GALNTL6: variants seen among roughly 807,000 people sequenced by gnomAD.
GALNTL6 encodes polypeptide N-acetylgalactosaminyltransferase-like 6.
Under a neutral mutation model 73.7 loss-of-function variants are expected in GALNTL6, and 46 were observed. The observed-to-expected ratio is 0.62, with a 90% CI of 0.49 to 0.80. The LOEUF (loss-of-function observed/expected upper bound fraction) is 0.80, where lower values mean the gene tolerates loss of function less well. Among genes scored for constraint, GALNTL6 ranks in the 30% least tolerant of loss-of-function variants. The probability of loss-of-function intolerance (pLI) is 0.00; values close to 1 mark genes in which losing one functional copy is unlikely to be tolerated. For synonymous variants in GALNTL6, 259 were observed against 263.7 expected, an observed-to-expected ratio of 0.98 and a Z score of 0.17; for missense variants, 604 against 755.0, an observed-to-expected ratio of 0.80 and a Z score of 2.34.
intron 10 of GALNTL6, among the ~76,000 whole-genome samples, chr4:172,968,004 A>G (rs1437537879): frequency 6.6e-6 from 1 of 152,166 alleles, no homozygotes; most frequent in East Asian, 1.9e-4. Context: ...TTCTGATGCT[A>G]AAAGCATGGC....
chr4:172,176,491 A>G (rs1004217070), intron 2 of GALNTL6, among the ~76,000 whole-genome samples: 4 of 152,054 alleles, frequency 2.6e-5, no homozygotes, highest in Admixed American at 6.6e-5. Flanking sequence ...AATAGAATGT[A>G]GCCATTTGGG....
intron 5 of GALNTL6, among the ~76,000 whole-genome samples, chr4:172,733,120 G>A (rs1050286729): frequency 3.9e-5 from 6 of 152,096 alleles, no homozygotes; most frequent in Admixed American, 2.6e-4. Context: ...GGGTCTGTTG[G>A]TGGTGAATTC....
intron 5 of GALNTL6, among the ~76,000 whole-genome samples, chr4:172,649,976 GAA>G (rs1229228606): frequency 6.6e-6 from 1 of 152,172 alleles, no homozygotes; most frequent in African/African-American, 2.4e-5. Flanking sequence ...AGCATTTCTA[GAA>G]AATTTGTGTT....
intron 5 of GALNTL6, among the ~76,000 whole-genome samples, chr4:172,420,869 A>T (rs1731029933): frequency 6.6e-6 from 1 of 152,168 alleles, no homozygotes; most frequent in Non-Finnish European, 1.5e-5. Flanking sequence ...TTTCAGGGAC[A>T]TGGATGAAGC....
intron 5 of GALNTL6, among the ~76,000 whole-genome samples, chr4:172,730,364 G>A (rs1736073508): frequency 6.6e-6 from 1 of 152,090 alleles, no homozygotes; most frequent in African/African-American, 2.4e-5. Context: ...GTTAGTCATG[G>A]GTTTGTCTTA....
rs138795149 is a variant in GALNTL6, at chr4:171,953,820, G to A, written c.138+139102G>A. 2.9e-3 allele frequency among the ~76,000 whole-genome samples: 434 copies of A among 152,210 alleles called. 1 individual carries two copies. The highest frequency in any genetic ancestry group is 0.014 in the Middle Eastern group (4 of 294). ...ATAGCCCAAGAGACAGTAAAGGCATGGGGATTTATTTTTAAGAAAATCAAA... is the reference window on the plus strand; with the variant it reads ...ATAGCCCAAGAGACAGTAAAGGCATAGGGATTTATTTTTAAGAAAATCAAA... On this transcript the variant is annotated intron_variant, in intron 2 of 12. Coordinates refer to ENST00000506823, the MANE Select transcript of GALNTL6 (RefSeq NM_001034845.3).
chr4:172,207,815 A>C lies in GALNTL6; in HGVS notation c.139-21841A>C, dbSNP rs74909896. 9.3e-3 allele frequency among the ~76,000 whole-genome samples: 1,416 copies of C among 152,354 alleles called. 21 individuals carry two copies. Among genetic ancestry groups the C allele is most frequent in the African/African-American group, 0.032 (1,313 of 41,582 alleles). ...AAGTTAATTAATGAAAAGCCTTCATAACTTGCACGCAGTAAGTACATGATA... is the reference window on the plus strand; with the variant it reads ...AAGTTAATTAATGAAAAGCCTTCATCACTTGCACGCAGTAAGTACATGATA... On this transcript the variant is annotated intron_variant, in intron 2 of 12. Coordinates refer to ENST00000506823, the MANE Select transcript of GALNTL6 (RefSeq NM_001034845.3).
intron 5 of GALNTL6, among the ~76,000 whole-genome samples, chr4:172,397,682 A>G (rs1219885529): frequency 2.0e-5 from 3 of 151,832 alleles, no homozygotes; most frequent in African/African-American, 4.8e-5. Flanking sequence ...GATTCAAGCA[A>G]TTCTCCTGCC....
chr4:172,312,347 C>A (rs1344689690), intron 4 of GALNTL6, among the ~76,000 whole-genome samples: 1 of 152,020 alleles, frequency 6.6e-6, no homozygotes, highest in Non-Finnish European at 1.5e-5. Context: ...TATACTTACC[C>A]CAAATCCATC....
At chr4:171,969,353 G>A (rs1739491855) in intron 2 of GALNTL6, among the ~76,000 whole-genome samples, 1 of 152,122 alleles carries the variant, frequency 6.6e-6, no homozygotes, top group Admixed American at 6.5e-5. Flanking sequence ...AACAGCAAAT[G>A]AAATGGATTT....
Position 172,138,513 on chromosome 4 carries a change from A to ATTTTTTTTTT in GALNTL6, c.139-91118_139-91109dup, listed in dbSNP as rs1169097172. On this transcript the variant is annotated intron_variant, in intron 2 of 12. Transcript: ENST00000506823. ...TATATATATATATATATATATATAT[A>ATTTTTTTTTT]TTTTTTTTTTTTTTTTTTTTTTTTT... Among the ~76,000 whole-genome samples, 5 of 7,790 alleles carry ATTTTTTTTTT rather than the reference A, an allele frequency of 6.4e-4. 2 individuals are homozygous for ATTTTTTTTTT. The highest frequency in any genetic ancestry group is 1.1e-3 in the Non-Finnish European group (5 of 4,360). The allele number at this position is 7,790 out of a possible 152,430, so 5.1% of individuals were successfully genotyped here.
chr4:172,455,160 G>A (rs1203635348), intron 5 of GALNTL6, among the ~76,000 whole-genome samples: 3 of 152,198 alleles, frequency 2.0e-5, no homozygotes, highest in Non-Finnish European at 4.4e-5. Context: ...TGTGCTGTGA[G>A]GAACAGTGCA....
chr4:172,880,968 C>T (rs906792792), intron 7 of GALNTL6, among the ~76,000 whole-genome samples: 1 of 152,142 alleles, frequency 6.6e-6, no homozygotes, highest in Non-Finnish European at 1.5e-5. Context: ...ATCTCTAACA[C>T]TGTATCTATG....
At chr4:172,842,823 C>T (rs1743285770) in intron 7 of GALNTL6, among the ~76,000 whole-genome samples, 1 of 151,390 alleles carries the variant, frequency 6.6e-6, no homozygotes, top group African/African-American at 2.4e-5. Flanking sequence ...ATAAATTTCT[C>T]CTGACCAAAA....
intron 2 of GALNTL6, among the ~76,000 whole-genome samples, chr4:172,147,164 G>A (rs1187376925): frequency 6.6e-6 from 1 of 152,070 alleles, no homozygotes; most frequent in Non-Finnish European, 1.5e-5. Flanking sequence ...TAAGATGTTA[G>A]CCTACCTTTC....
intron 2 of GALNTL6, among the ~76,000 whole-genome samples, chr4:172,122,746 G>C (rs1179882395): frequency 6.6e-6 from 1 of 152,162 alleles, no homozygotes. Context: ...TGTGGCCATG[G>C]TTCTCTTTTT....
At chr4:172,293,493 A>G (rs1739544361) in intron 3 of GALNTL6, among the ~76,000 whole-genome samples, 1 of 152,092 alleles carries the variant, frequency 6.6e-6, no homozygotes, top group South Asian at 2.1e-4. Flanking sequence ...AAGTTTATGT[A>G]TATTTCTTTT....
intron 5 of GALNTL6, among the ~76,000 whole-genome samples, chr4:172,752,580 A>T (rs990342549): frequency 6.6e-6 from 1 of 152,104 alleles, no homozygotes; most frequent in Non-Finnish European, 1.5e-5. Context: ...TATATTTTTT[A>T]CAATTATGTT....
At chr4:172,304,802 C>A (rs572513707) in intron 3 of GALNTL6, among the ~76,000 whole-genome samples, 10 of 152,184 alleles carry the variant, frequency 6.6e-5, no homozygotes, top group African/African-American at 2.4e-4. Flanking sequence ...AATTCATTCA[C>A]CCCCATTTCT....
Sources: gnomAD v4.1 joint callset for allele counts (sites outside exome capture counted in the v4.1 genomes callset) on GRCh38, gnomAD v4.1.1 for gene constraint, MANE v1.5 for transcripts, NCBI Gene and HGNC (gene_info 2026-07-23, HGNC 2026-07-21) for gene names.